LRRC20: variants seen among roughly 807,000 people sequenced by gnomAD.
LRRC20 encodes the protein leucine-rich repeat-containing protein 20.
Under a neutral mutation model 14.4 loss-of-function variants are expected in LRRC20, and 11 were observed. The ratio of observed to expected loss-of-function variants is 0.77; its 90% CI spans 0.48 to 1.27. The LOEUF (loss-of-function observed/expected upper bound fraction) is 1.27. Among genes scored for constraint, LRRC20 ranks in the 50% most tolerant of loss-of-function variants. The probability of loss-of-function intolerance (pLI) is 0.00; values close to 1 mark genes in which losing one functional copy is unlikely to be tolerated. For synonymous variants in LRRC20, 121 were observed against 107.3 expected, an observed-to-expected ratio of 1.13 and a Z score of -0.79; for missense variants, 219 against 251.2, an observed-to-expected ratio of 0.87 and a Z score of 0.87.
chr10:70,352,126 G>T (rs72642216), intron 2 of LRRC20, among the ~76,000 whole-genome samples: 279 of 10,808 alleles, frequency 0.026, no homozygotes, highest in African/African-American at 0.058. Context: ...GACATGCTTT[G>T]TTTTTTGTAA....
intron 4 of LRRC20, among the ~76,000 whole-genome samples, chr10:70,315,954 C>T (rs553914735): frequency 9.4e-4 from 143 of 152,232 alleles, no homozygotes; most frequent in African/African-American, 3.3e-3. Context: ...TACCCATGTC[C>T]ATATCCCCAC....
chr10:70,366,498 C>T (rs1303400782), intron 2 of LRRC20, among the ~76,000 whole-genome samples: 1 of 151,760 alleles, frequency 6.6e-6, no homozygotes. Flanking sequence ...TAAATTAAAA[C>T]TACAATGATA....
intron 2 of LRRC20, among the ~76,000 whole-genome samples, chr10:70,361,710 C>T (rs1843727671): frequency 1.3e-5 from 2 of 152,134 alleles, no homozygotes; most frequent in Non-Finnish European, 1.5e-5. Flanking sequence ...CTCCCTCCCC[C>T]ACCCTCACCC....
chr10:70,311,187 T>C (rs4746999), intron 4 of LRRC20, among the ~76,000 whole-genome samples: 127,773 of 150,222 alleles, frequency 0.85, 55,262 homozygotes, highest in Middle Eastern at 0.96. Context: ...ACTCCTGTTC[T>C]TGTTGTTGGA....
intron 3 of LRRC20, among the ~76,000 whole-genome samples, chr10:70,339,322 G>A (rs1842826750): frequency 6.6e-6 from 1 of 152,222 alleles, no homozygotes; most frequent in Non-Finnish European, 1.5e-5. Context: ...CTAGGAGGCT[G>A]TGGCAACAGA....
At chr10:70,341,494 G>A (rs1439953496) in intron 2 of LRRC20, among the ~76,000 whole-genome samples, 1 of 152,224 alleles carries the variant, frequency 6.6e-6, no homozygotes, top group African/African-American at 2.4e-5. Context: ...GTGGCCAGGC[G>A]TGGTGGCTCA....
intron 2 of LRRC20, among the ~76,000 whole-genome samples, chr10:70,348,019 G>A (rs565606912): frequency 1.3e-5 from 2 of 152,258 alleles, no homozygotes; most frequent in South Asian, 4.1e-4. Context: ...GCCAGGTACT[G>A]ATCTGCACAG....
At chr10:70,331,758 C>T (rs530231220) in intron 3 of LRRC20, among the ~76,000 whole-genome samples, 2 of 152,324 alleles carry the variant, frequency 1.3e-5, no homozygotes, top group South Asian at 2.1e-4. Context: ...CCACTCCCAA[C>T]GTTGTACCCA....
rs190469860 is a variant in LRRC20, at chr10:70,303,051, T to C, written c.401-1543A>G. On this transcript the variant is annotated intron_variant, in intron 4 of 4. Coordinates refer to ENST00000446961, the MANE Select transcript of LRRC20 (RefSeq NM_001278212.2). ...AAAAAAAAAAGGTTAAAATGGCACA[T>C]TTTGTTATATATATTTTATCACAAT... is the stretch of plus-strand genomic sequence containing the variant. 2.5e-3 allele frequency among the ~76,000 whole-genome samples: 373 copies of C among 152,140 alleles called. 3 individuals carry two copies. Among genetic ancestry groups the C allele is most frequent in the African/African-American group, 8.5e-3 (352 of 41,542 alleles).
intron 2 of LRRC20, among the ~76,000 whole-genome samples, chr10:70,372,598 C>A (rs905820689): frequency 6.6e-6 from 1 of 151,862 alleles, no homozygotes; most frequent in South Asian, 2.1e-4. Context: ...CCCGCCACCA[C>A]GCCCGGCTAA....
intron 1 of LRRC20, 71 bp downstream of exon 1, chr10:70,382,478 C>T (rs1338593074): frequency 1.3e-5 from 2 of 152,348 alleles, no homozygotes; most frequent in Admixed American, 1.3e-4. Context: ...AACGCTTGAC[C>T]TCGGACTACA....
intron 2 of LRRC20, among the ~76,000 whole-genome samples, chr10:70,342,608 G>T (rs2137027255): frequency 6.6e-6 from 1 of 152,256 alleles, no homozygotes; most frequent in East Asian, 1.9e-4. Context: ...CAGCTGCCTA[G>T]CAGAGCTGTT....
chr10:70,368,393 G>A (rs1013853004), intron 2 of LRRC20, among the ~76,000 whole-genome samples: 2 of 151,618 alleles, frequency 1.3e-5, no homozygotes, highest in Non-Finnish European at 2.9e-5. Context: ...TCCTGACCTC[G>A]TGATCCGCCT....
chr10:70,340,699 A>G lies in LRRC20; in HGVS notation c.86T>C (p.Leu29Pro). ...AAAGGAGACCAGCTTGCACTCGGCC[A>G]GGTCTGCAGCCAAAGAACAAAAACA... ...TVESGSDTLDLAECKLVSFPI... is the reference protein window; with the variant it reads ...TVESGSDTLDPAECKLVSFPI... Residue 29 changes from leucine (L) to proline (P), a missense_variant, in exon 3 of 5, where the codon CTG (leucine) becomes CCG (proline). Leu to Pro is a moderately conservative substitution (Grantham distance 98, BLOSUM62 -3). Coordinates refer to ENST00000446961, the MANE Select transcript of LRRC20 (RefSeq NM_001278212.2). The G allele has an allele frequency of 6.2e-7, 1 of 1,614,172 alleles. No individual in the cohort carries two copies. Among genetic ancestry groups the G allele is most frequent in the Non-Finnish European group, 8.5e-7 (1 of 1,180,028 alleles).
intron 4 of LRRC20, among the ~76,000 whole-genome samples, chr10:70,318,967 C>T (rs1349481543): frequency 9.2e-5 from 14 of 151,532 alleles, no homozygotes; most frequent in Admixed American, 4.6e-4. Flanking sequence ...CTACCACACC[C>T]GGCTAATTTT....
intron 2 of LRRC20, among the ~76,000 whole-genome samples, chr10:70,344,863 G>A (rs1210094240): frequency 2.0e-5 from 3 of 152,062 alleles, no homozygotes; most frequent in East Asian, 1.9e-4. Flanking sequence ...CACGGCACCC[G>A]GCCCACAAAG....
intron 4 of LRRC20, among the ~76,000 whole-genome samples, chr10:70,306,346 CCCCCTCT>C (rs1841426277): frequency 6.6e-6 from 1 of 152,154 alleles, no homozygotes; most frequent in Non-Finnish European, 1.5e-5. Flanking sequence ...TACAGCACTT[CCCCCTCT>C]AGTACCAGAG....
At chr10:70,360,615 G>GT (rs968017062) in intron 2 of LRRC20, among the ~76,000 whole-genome samples, 2 of 151,978 alleles carry the variant, frequency 1.3e-5, no homozygotes, top group African/African-American at 4.8e-5. Flanking sequence ...TTTTCTTTTA[G>GT]TTTTTTTGTA....
At chr10:70,369,888 T>TGGGCAAC (rs1844197210) in intron 2 of LRRC20, among the ~76,000 whole-genome samples, 1 of 152,040 alleles carries the variant, frequency 6.6e-6, no homozygotes, top group Admixed American at 6.6e-5. Context: ...GAGACCAGCC[T>TGGGCAAC]GGGCAACATG....
Sources: gnomAD v4.1 joint callset for allele counts (sites outside exome capture counted in the v4.1 genomes callset) on GRCh38, gnomAD v4.1.1 for gene constraint, MANE v1.5 for transcripts, NCBI Gene and HGNC (gene_info 2026-07-23, HGNC 2026-07-21) for gene names.